NRXN1: variants seen among roughly 807,000 people sequenced by gnomAD.
The protein encoded by NRXN1 is neurexin-1.
Under a neutral mutation model 150.9 loss-of-function variants are expected in NRXN1, and 39 were observed. The observed-to-expected ratio is 0.26, with a 90% CI of 0.20 to 0.34. The LOEUF is 0.34. Among genes scored for constraint, NRXN1 ranks in the 10% least tolerant of loss-of-function variants. The pLI, the probability that NRXN1 is intolerant of heterozygous loss-of-function variation, is 1.00. For synonymous variants in NRXN1, 924 were observed against 757.0 expected, an observed-to-expected ratio of 1.22 and a Z score of -3.62; for missense variants, 1,815 against 1,949.9, an observed-to-expected ratio of 0.93 and a Z score of 1.30.
At chr2:50,157,953 G>A (rs939632933) in intron 18 of NRXN1, among the ~76,000 whole-genome samples, 24 of 151,536 alleles carry the variant, frequency 1.6e-4, no homozygotes, top group African/African-American at 4.4e-4. Context: ...AGAGTGGATA[G>A]ATGAAACCTT....
intron 5 of NRXN1, among the ~76,000 whole-genome samples, chr2:50,848,405 T>C (rs575178168): frequency 6.6e-6 from 1 of 152,260 alleles, no homozygotes; most frequent in South Asian, 2.1e-4. Context: ...AAAGTTATCA[T>C]CTAGTGTGTA....
intron 19 of NRXN1, among the ~76,000 whole-genome samples, chr2:50,061,967 C>T (rs578033545): frequency 6.6e-6 from 1 of 151,944 alleles, no homozygotes; most frequent in South Asian, 2.1e-4. Context: ...TCCCCCCAAT[C>T]CCTGTAGTAA....
chr2:50,294,632 G>A (rs985515290), intron 17 of NRXN1, among the ~76,000 whole-genome samples: 1 of 152,126 alleles, frequency 6.6e-6, no homozygotes, highest in Non-Finnish European at 1.5e-5. Flanking sequence ...TGGAGAGGAG[G>A]TAGAGTTTAG....
intron 5 of NRXN1, among the ~76,000 whole-genome samples, chr2:50,677,450 T>C (rs1689713694): frequency 6.6e-6 from 1 of 152,142 alleles, no homozygotes; most frequent in Admixed American, 6.6e-5. Flanking sequence ...TGTATTTCAA[T>C]CTCTTTTGCC....
At chr2:50,155,496 A>G (rs868624141) in intron 18 of NRXN1, among the ~76,000 whole-genome samples, 3 of 151,588 alleles carry the variant, frequency 2.0e-5, no homozygotes, top group South Asian at 4.1e-4. Flanking sequence ...AAATGTATAC[A>G]TGAAGTTCAA....
At chr2:50,212,077 T>C (rs1380792258) in intron 18 of NRXN1, among the ~76,000 whole-genome samples, 1 of 151,672 alleles carries the variant, frequency 6.6e-6, no homozygotes, top group Non-Finnish European at 1.5e-5. Context: ...AAGTTTCCTG[T>C]CCTTAAAACT....
At chr2:50,377,974 T>A (rs2080651447) in intron 17 of NRXN1, among the ~76,000 whole-genome samples, 1 of 152,166 alleles carries the variant, frequency 6.6e-6, no homozygotes, top group African/African-American at 2.4e-5. Flanking sequence ...ACTGTCCAAG[T>A]TCAATGACAA....
chr2:50,312,970 G>A (rs1161412208), intron 17 of NRXN1, among the ~76,000 whole-genome samples: 3 of 152,008 alleles, frequency 2.0e-5, no homozygotes, highest in African/African-American at 7.3e-5. Context: ...TAGAAAGAGA[G>A]AATGGAACAT....
chr2:50,656,807 CA>C (rs896275207), intron 5 of NRXN1, among the ~76,000 whole-genome samples: 4 of 151,208 alleles, frequency 2.6e-5, no homozygotes, highest in African/African-American at 9.7e-5. Flanking sequence ...ACACTAGAGA[CA>C]AAATAACTTC....
At chr2:50,585,282 A>C (rs1672915540) in intron 8 of NRXN1, among the ~76,000 whole-genome samples, 1 of 152,160 alleles carries the variant, frequency 6.6e-6, no homozygotes, top group South Asian at 2.1e-4. Flanking sequence ...CAAAAATACA[A>C]ATATTGTATG....
rs1232064002 is a variant in NRXN1 at position 50,580,255 on chromosome 2, T to C, written c.1321-27230A>G. ...GTCATCCAATGTATGATGCTGGGTC[T>C]ATTTTTTAATTTTAGCTCCGTTGTT... On this transcript the variant is annotated intron_variant, in intron 8 of 22. Coordinates refer to ENST00000401669, the MANE Select transcript of NRXN1 (RefSeq NM_001330078.2). Among the ~76,000 whole-genome samples, 3 of 152,340 alleles carry C rather than the reference T, an allele frequency of 2.0e-5. No individual in the cohort carries two copies. In the East Asian group the frequency reaches 5.8e-4, roughly 29 times the overall value.
Position 50,157,978 on chromosome 2 carries a change from G to A in NRXN1, c.3547-66484C>T, listed in dbSNP as rs2059127334. The stretch of plus-strand genomic sequence containing the variant: ...GATGAAACCTTGGGAGTAGCTAGTA[G>A]GGGAGAGAAACAAGGAGGGCAATTA... On this transcript the variant is annotated intron_variant, in intron 18 of 22. Transcript: ENST00000401669. 3.3e-5 allele frequency among the ~76,000 whole-genome samples: 5 copies of A among 151,098 alleles called. No homozygotes were observed. In the South Asian group the frequency reaches 6.3e-4, roughly 19 times the overall value.
chr2:50,422,953 C>CT (rs1480045569), intron 17 of NRXN1, among the ~76,000 whole-genome samples: 1 of 152,164 alleles, frequency 6.6e-6, no homozygotes, highest in East Asian at 1.9e-4. Flanking sequence ...TCAAATATCA[C>CT]TTTTAACCCA....
chr2:49,986,926 G>A (rs2152514857), intron 21 of NRXN1, among the ~76,000 whole-genome samples: 1 of 152,120 alleles, frequency 6.6e-6, no homozygotes, highest in Admixed American at 6.5e-5. Context: ...TTAGCCAGGT[G>A]GGGTGGTGCA....
intron 5 of NRXN1, among the ~76,000 whole-genome samples, chr2:50,908,262 C>T (rs937977712): frequency 4.6e-5 from 7 of 151,860 alleles, no homozygotes; most frequent in Non-Finnish European, 1.0e-4. Flanking sequence ...GACTTATGAG[C>T]AGTTCATGTG....
At chr2:50,837,123 G>A (rs1464727868) in intron 5 of NRXN1, among the ~76,000 whole-genome samples, 1 of 151,976 alleles carries the variant, frequency 6.6e-6, no homozygotes, top group African/African-American at 2.4e-5. Context: ...AAAACACAAT[G>A]CCTGCTACTT....
chr2:50,308,519 A>AT (rs1177243435), intron 17 of NRXN1, among the ~76,000 whole-genome samples: 1 of 150,400 alleles, frequency 6.6e-6, no homozygotes, highest in African/African-American at 2.4e-5. Flanking sequence ...TTAATTTTTT[A>AT]TTTTTTTCCA....
rs56374110 is a variant in NRXN1, at chr2:50,510,483, C to T, written c.2375-3866G>A. On this transcript the variant is annotated intron_variant, in intron 12 of 22. Coordinates refer to ENST00000401669, the MANE Select transcript of NRXN1 (RefSeq NM_001330078.2). ...CCTGGATGACAGAGAGAGACTCCAT[C>T]TCAAAAAAAAAAAAAAAAAAAAAAA... Among the ~76,000 whole-genome samples the T allele has an allele frequency of 1.5e-4, 3 of 20,620 alleles. No individual in the cohort carries two copies. In the South Asian group the frequency reaches 7.0e-3, roughly 48 times the overall value. 13.5% of individuals were successfully genotyped at this position (20,620 alleles called of 152,430 possible).
chr2:50,288,079 A>C (rs2072427530), intron 17 of NRXN1, among the ~76,000 whole-genome samples: 1 of 152,186 alleles, frequency 6.6e-6, no homozygotes, highest in Admixed American at 6.6e-5. Context: ...GTGGAAAAAA[A>C]ACTCAAATAA....
Sources: allele counts gnomAD v4.1 joint callset (sites outside exome capture counted in the v4.1 genomes callset), GRCh38; gene constraint gnomAD v4.1.1; transcripts MANE v1.5; gene names NCBI Gene and HGNC (gene_info 2026-07-23, HGNC 2026-07-21).